ST6GALNAC3: variants seen among roughly 807,000 people sequenced by gnomAD.
ST6GALNAC3 encodes the protein alpha-N-acetylgalactosaminide alpha-2,6-sialyltransferase 3.
A neutral mutation model predicts 32.7 loss-of-function variants in ST6GALNAC3; 25 were observed. That is an observed-to-expected ratio of 0.76 (90% CI 0.56 to 1.07). ST6GALNAC3 has a LOEUF of 1.07. Among genes scored for constraint, ST6GALNAC3 ranks in the 50% least tolerant of loss-of-function variants. ST6GALNAC3 has a pLI of 0.00. For synonymous variants in ST6GALNAC3, 129 were observed against 133.1 expected, an observed-to-expected ratio of 0.97 and a Z score of 0.21; for missense variants, 355 against 382.4, an observed-to-expected ratio of 0.93 and a Z score of 0.60.
chr1:76,409,549 C>T (rs1267202877), intron 2 of ST6GALNAC3, among the ~76,000 whole-genome samples: 2 of 150,798 alleles, frequency 1.3e-5, no homozygotes, highest in African/African-American at 4.9e-5. Flanking sequence ...GAAAAAAAAA[C>T]AGATAATAGC....
At chr1:76,140,011 G>C (rs1407749815) in intron 1 of ST6GALNAC3, among the ~76,000 whole-genome samples, 2 of 152,114 alleles carry the variant, frequency 1.3e-5, no homozygotes, top group African/African-American at 4.8e-5. Context: ...TTTGCCAAAC[G>C]CTCATTTAGA....
intron 1 of ST6GALNAC3, among the ~76,000 whole-genome samples, chr1:76,090,800 T>G (rs2100747913): frequency 6.6e-6 from 1 of 152,302 alleles, no homozygotes; most frequent in African/African-American, 2.4e-5. Context: ...GGTGGGACAT[T>G]AGGTAGACTA....
chr1:76,138,383 C>T (rs562038293), intron 1 of ST6GALNAC3, among the ~76,000 whole-genome samples: 1 of 152,000 alleles, frequency 6.6e-6, no homozygotes, highest in Admixed American at 6.5e-5. Flanking sequence ...TGGGGTTCTT[C>T]CTGAGGAAAA....
At chr1:76,157,906 C>T (rs946283325) in intron 1 of ST6GALNAC3, among the ~76,000 whole-genome samples, 7 of 152,192 alleles carry the variant, frequency 4.6e-5, no homozygotes, top group Admixed American at 3.3e-4. Context: ...TATTATGTCT[C>T]CACTTTCCAC....
At chr1:76,146,221 C>A (rs1361165930) in intron 1 of ST6GALNAC3, among the ~76,000 whole-genome samples, 1 of 152,224 alleles carries the variant, frequency 6.6e-6, no homozygotes, top group Non-Finnish European at 1.5e-5. Flanking sequence ...CTTGCTTCTT[C>A]AAAATTCACT....
intron 3 of ST6GALNAC3, among the ~76,000 whole-genome samples, chr1:76,626,801 A>T (rs1648994499): frequency 6.6e-6 from 1 of 151,872 alleles, no homozygotes; most frequent in Non-Finnish European, 1.5e-5. Flanking sequence ...GGTTGTTTTG[A>T]TCGTTGTTGT....
intron 2 of ST6GALNAC3, among the ~76,000 whole-genome samples, chr1:76,344,751 C>T (rs1220594611): frequency 2.0e-5 from 3 of 152,154 alleles, no homozygotes; most frequent in Non-Finnish European, 4.4e-5. Flanking sequence ...AAAGTGAGTT[C>T]CATGCTGGTG....
At chr1:76,548,535 G>A (rs540315767) in intron 3 of ST6GALNAC3, among the ~76,000 whole-genome samples, 1 of 152,274 alleles carries the variant, frequency 6.6e-6, no homozygotes, top group South Asian at 2.1e-4. Context: ...CATAGCAGGA[G>A]TTAAGGGAGC....
chr1:76,280,657 C>T lies in ST6GALNAC3; in HGVS notation c.19-33148C>T, dbSNP rs369151308. On this transcript the variant is annotated intron_variant, in intron 1 of 4. Coordinates refer to ENST00000328299, the MANE Select transcript of ST6GALNAC3 (RefSeq NM_152996.4). ...TGTAAGAATTAAATGAAATAATGGGCATAGAATTTAGAATTAAATAATGTT... is the reference window on the plus strand; with the variant it reads ...TGTAAGAATTAAATGAAATAATGGGTATAGAATTTAGAATTAAATAATGTT... 2.0e-5 allele frequency among the ~76,000 whole-genome samples: 3 copies of T among 152,098 alleles called. No individual in the cohort carries two copies. The East Asian group carries it at 5.8e-4, about 29-fold the overall frequency.
At chr1:76,535,614 TA>T (rs1557541941) in intron 3 of ST6GALNAC3, among the ~76,000 whole-genome samples, 1 of 152,198 alleles carries the variant, frequency 6.6e-6, no homozygotes, top group African/African-American at 2.4e-5. Flanking sequence ...AGCAGTCACT[TA>T]AAAATGGAAA....
At chr1:76,570,615 T>C (rs1222343223) in intron 3 of ST6GALNAC3, among the ~76,000 whole-genome samples, 1 of 152,134 alleles carries the variant, frequency 6.6e-6, no homozygotes, top group Non-Finnish European at 1.5e-5. Flanking sequence ...TACTAACACA[T>C]GAATAAACTT....
At chr1:76,232,430 C>A (rs1330765940) in intron 1 of ST6GALNAC3, among the ~76,000 whole-genome samples, 1 of 146,926 alleles carries the variant, frequency 6.8e-6, no homozygotes, top group Non-Finnish European at 1.5e-5. Context: ...TGGGTTCGAA[C>A]AAAGGGCCTT....
chr1:76,432,443 CTTTTTTTTT>C (rs35527607), intron 3 of ST6GALNAC3, among the ~76,000 whole-genome samples: 2 of 57,150 alleles, frequency 3.5e-5, no homozygotes, highest in Non-Finnish European at 6.3e-5. Context: ...CCTTTATTGC[CTTTTTTTTT>C]TTTTTTTTTT....
intron 1 of ST6GALNAC3, among the ~76,000 whole-genome samples, chr1:76,246,003 G>A (rs1391697971): frequency 2.6e-5 from 4 of 152,262 alleles, no homozygotes; most frequent in African/African-American, 9.6e-5. Context: ...TATTGACAGT[G>A]GGGTGTTAAA....
chr1:76,501,970 C>T (rs555649795), intron 3 of ST6GALNAC3, among the ~76,000 whole-genome samples: 10 of 152,330 alleles, frequency 6.6e-5, no homozygotes, highest in South Asian at 2.1e-4. Context: ...CGTTCTGAGA[C>T]GGCTGCAGCA....
At chr1:76,513,173 A>G (rs558046069) in intron 3 of ST6GALNAC3, among the ~76,000 whole-genome samples, 4 of 152,016 alleles carry the variant, frequency 2.6e-5, no homozygotes, top group South Asian at 2.1e-4. Flanking sequence ...TTTGTGTCCT[A>G]TGCTTTTGAG....
At chr1:76,231,863 A>T (rs1656378381) in intron 1 of ST6GALNAC3, among the ~76,000 whole-genome samples, 1 of 152,174 alleles carries the variant, frequency 6.6e-6, no homozygotes, top group South Asian at 2.1e-4. Context: ...CCAGAAGTGG[A>T]ATTGCCAGAT....
intron 3 of ST6GALNAC3, among the ~76,000 whole-genome samples, chr1:76,503,776 GAA>G (rs1661318109): frequency 6.6e-6 from 1 of 152,146 alleles, no homozygotes; most frequent in Admixed American, 6.5e-5. Context: ...GAATAATCTG[GAA>G]AGTCTTTACA....
At chr1:76,420,107 T>C (rs1028935083) in intron 3 of ST6GALNAC3, among the ~76,000 whole-genome samples, 51 of 152,146 alleles carry the variant, frequency 3.4e-4, no homozygotes, top group African/African-American at 1.2e-3. Flanking sequence ...TCTAGATCAG[T>C]ACAGTGCTTT....
Sources: allele counts gnomAD v4.1 joint callset (sites outside exome capture counted in the v4.1 genomes callset), GRCh38; gene constraint gnomAD v4.1.1; transcripts MANE v1.5; gene names NCBI Gene and HGNC (gene_info 2026-07-23, HGNC 2026-07-21).